The following FARP1 variants were observed in gnomAD, a reference collection of about 807,000 sequenced individuals.
The protein encoded by FARP1 is FERM, ARH/RhoGEF and pleckstrin domain protein 1, also known as FERM, ARHGEF and pleckstrin domain-containing protein 1.
FARP1 carries 52 observed loss-of-function variants against 128.8 expected under a neutral mutation model. The ratio of observed to expected loss-of-function variants is 0.40; its 90% confidence interval spans 0.32 to 0.51. The LOEUF is 0.51. Among genes scored for constraint, FARP1 ranks in the 20% least tolerant of loss-of-function variants. The pLI is 0.45. For synonymous variants in FARP1, 580 were observed against 551.8 expected (o/e 1.05, Z -0.72); for missense variants, 1,333 against 1,367.9 (o/e 0.97, Z 0.40).
In FARP1 at chr13:98,213,399, G is replaced by T. The variant is rs1324706001; in HGVS notation, c.157G>T (p.Ala53Ser). Residue 53 changes from alanine (A) to serine (S), a missense_variant, in exon 2 of 27, where the codon GCA (alanine) becomes TCA (serine). By Grantham distance (99) the Ala-to-Ser change is moderately conservative. Transcript: ENST00000319562. ...KIQMLDDTQE[A>S]FEVPQRAPGK... ...CCAGATGCTGGATGACACCCAGGAG[G>T]CATTTGAAGTTCCAGTAAGTTGGGG... 6.2e-7 allele frequency: 1 copy of T among 1,613,844 alleles called. No individual in the cohort carries two copies.
At chr13:98,275,811 C>G (rs893887861) in intron 2 of FARP1, among the ~76,000 whole-genome samples, 1 of 152,154 alleles carries the variant, frequency 6.6e-6, no homozygotes, top group African/African-American at 2.4e-5. Flanking sequence ...TGGTCACTTT[C>G]TGGGCTGGCA....
At chr13:98,270,155 G>A (rs573185409) in intron 2 of FARP1, among the ~76,000 whole-genome samples, 1 of 152,192 alleles carries the variant, frequency 6.6e-6, no homozygotes, top group Non-Finnish European at 1.5e-5. Flanking sequence ...TGAATACCAA[G>A]AAAATTGTTT....
chr13:98,331,381 T>C (rs1360903871), intron 2 of FARP1, among the ~76,000 whole-genome samples: 1 of 152,206 alleles, frequency 6.6e-6, no homozygotes, highest in Non-Finnish European at 1.5e-5. Context: ...CTTAGTCGTT[T>C]CCTCATTTGT....
At chr13:98,146,381 G>A (rs1350974529) in intron 1 of FARP1, among the ~76,000 whole-genome samples, 1 of 152,130 alleles carries the variant, frequency 6.6e-6, no homozygotes, top group Non-Finnish European at 1.5e-5. Flanking sequence ...GGCATTTGCC[G>A]CCATGCCCAA....
chr13:98,260,832 C>G (rs1185548245), intron 2 of FARP1, among the ~76,000 whole-genome samples: 2 of 152,198 alleles, frequency 1.3e-5, no homozygotes, highest in East Asian at 3.9e-4. Flanking sequence ...GCCCAGAGAA[C>G]AGTGTTGAGT....
intron 2 of FARP1, among the ~76,000 whole-genome samples, chr13:98,313,147 C>T (rs1332222728): frequency 1.4e-5 from 2 of 139,590 alleles, no homozygotes; most frequent in South Asian, 4.6e-4. Context: ...CACACTCACT[C>T]GAATCGGGTG....
chr13:98,448,126 T>C (rs1338479429), intron 26 of FARP1, 110 bp from the exon 27 acceptor site: 11 of 892,878 alleles, frequency 1.2e-5, no homozygotes, highest in Non-Finnish European at 1.5e-5. Flanking sequence ...AGTGGCAGAT[T>C]ACCAACCAGG....
chr13:98,265,244 A>T (rs4142403), intron 2 of FARP1, among the ~76,000 whole-genome samples: 1 of 149,210 alleles, frequency 6.7e-6, no homozygotes, highest in Admixed American at 6.7e-5. Flanking sequence ...AGATTGTGAT[A>T]TTTTTGTGTT....
intron 1 of FARP1, among the ~76,000 whole-genome samples, chr13:98,164,997 T>G (rs1334486200): frequency 6.6e-6 from 1 of 152,014 alleles, no homozygotes; most frequent in Non-Finnish European, 1.5e-5. Flanking sequence ...GGTGGATCAC[T>G]TGAGGTCGGG....
intron 2 of FARP1, among the ~76,000 whole-genome samples, chr13:98,242,750 G>T (rs556676711): frequency 1.3e-5 from 2 of 152,280 alleles, no homozygotes; most frequent in South Asian, 4.1e-4. Context: ...AATTATTCAA[G>T]AATATTTTGT....
At chr13:98,252,449 C>A (rs1396076872) in intron 2 of FARP1, among the ~76,000 whole-genome samples, 4 of 152,170 alleles carry the variant, frequency 2.6e-5, no homozygotes, top group South Asian at 2.1e-4. Context: ...TTAAAACCGA[C>A]CCCAACACAG....
At chr13:98,445,806 C>CTAT (rs1217586590) in intron 24 of FARP1, 2 of 291,960 alleles carry the variant, frequency 6.9e-6, no homozygotes, top group Non-Finnish European at 1.3e-5. Context: ...TGCAACGAGC[C>CTAT]TATTTCCAAA....
intron 1 of FARP1, among the ~76,000 whole-genome samples, chr13:98,150,102 A>C (rs1389883084): frequency 6.9e-6 from 1 of 143,908 alleles, no homozygotes; most frequent in Admixed American, 6.9e-5. Flanking sequence ...GCAGTGACAC[A>C]ATCTTGGCGC....
intron 2 of FARP1, among the ~76,000 whole-genome samples, chr13:98,332,151 G>C (rs1184906865): frequency 6.6e-6 from 1 of 151,848 alleles, no homozygotes; most frequent in African/African-American, 2.4e-5. Context: ...TTATGTTGTT[G>C]CTCAGCCATC....
At position 98,448,366 on chromosome 13, in the gene FARP1, T is replaced by A. The variant is rs72652248; in HGVS notation, c.*49T>A. On this transcript the variant is annotated 3_prime_UTR_variant, in exon 27 of 27. Transcript: ENST00000319562. The stretch of plus-strand genomic sequence containing the variant: ...AGTGGCTGCTTTCCTGGAAGACGTT[T>A]CCTTTCTTCTGTATTAATGAAGCCT... The A allele has an allele frequency of 1.9e-3, 2,689 of 1,400,516 alleles. 6 individuals carry two copies. The highest frequency in any genetic ancestry group is 2.1e-3 in the Admixed American group (128 of 59,634). The allele number at this position is 1,400,516 out of a possible 1,614,324, so 86.8% of individuals were successfully genotyped here. A position where few individuals can be genotyped will look rare whatever the true frequency, so the allele number is the denominator to read the frequency against.
rs1878032154 is a variant in FARP1, at chr13:98,176,405, T to G, written c.-24+32913T>G. On this transcript the variant is annotated intron_variant, in intron 1 of 26. Transcript: ENST00000319562. The surrounding 1 kb of genome is among the most constrained non-coding windows in gnomAD (Gnocchi z 6.2). ...GCCCGGAAGTGCTCCAGCGCGCAGCTCTCGCAGAAATAATGCCTGCACTTG... is the reference window on the plus strand; with the variant it reads ...GCCCGGAAGTGCTCCAGCGCGCAGCGCTCGCAGAAATAATGCCTGCACTTG... The G allele has an allele frequency of 6.2e-7, 1 of 1,614,180 alleles. No homozygotes were observed. The highest frequency in any genetic ancestry group is 1.7e-5 in the Admixed American group (1 of 60,030).
intron 2 of FARP1, among the ~76,000 whole-genome samples, chr13:98,250,410 G>A (rs1363306167): frequency 6.6e-6 from 1 of 152,126 alleles, no homozygotes; most frequent in Admixed American, 6.5e-5. Context: ...TATAAAAAGT[G>A]TAAGTATAGT....
intron 2 of FARP1, among the ~76,000 whole-genome samples, chr13:98,303,134 A>G (rs1398409627): frequency 1.3e-5 from 2 of 152,338 alleles, no homozygotes; most frequent in African/African-American, 4.8e-5. Context: ...AGTCAGATAC[A>G]CATGATGACG....
intron 3 of FARP1, among the ~76,000 whole-genome samples, chr13:98,354,121 C>G (rs1366412186): frequency 6.6e-6 from 1 of 152,268 alleles, no homozygotes; most frequent in African/African-American, 2.4e-5. Context: ...GGTTTGATTC[C>G]AAAGCTTCCC....
Sources: allele counts gnomAD v4.1 joint callset (sites outside exome capture counted in the v4.1 genomes callset), GRCh38; gene constraint gnomAD v4.1.1; non-coding constraint Gnocchi (gnomAD v3.1); transcripts MANE v1.5; gene names NCBI Gene and HGNC (gene_info 2026-07-23, HGNC 2026-07-21).